The following PBX1 variants were observed in gnomAD, a reference collection of about 807,000 sequenced individuals.
The protein encoded by PBX1 is PBX homeobox 1, also known as pre-B-cell leukemia transcription factor 1.
PBX1 carries 6 observed loss-of-function variants against 53.4 expected under a neutral mutation model. The observed-to-expected ratio is 0.11, with a 90% CI of 0.06 to 0.22. The LOEUF (loss-of-function observed/expected upper bound fraction) is 0.22. Ranked by LOEUF, PBX1 falls within the 10% of genes least tolerant of loss-of-function variation. The pLI, the probability that PBX1 is intolerant of heterozygous loss-of-function variation, is 1.00. For synonymous variants in PBX1, 204 were observed against 212.3 expected, an observed-to-expected ratio of 0.96 and a Z score of 0.34; for missense variants, 251 against 551.4, an observed-to-expected ratio of 0.46 and a Z score of 5.46.
intron 2 of PBX1, among the ~76,000 whole-genome samples, chr1:164,573,949 T>C (rs1298958904): frequency 1.3e-5 from 2 of 152,206 alleles, no homozygotes; most frequent in African/African-American, 4.8e-5. Context: ...GGAAGATACA[T>C]GGTTGTTCCC....
intron 2 of PBX1, among the ~76,000 whole-genome samples, chr1:164,747,906 C>G (rs1665980600): frequency 6.6e-6 from 1 of 151,996 alleles, no homozygotes; most frequent in African/African-American, 2.4e-5. Context: ...CAAATTAGAA[C>G]AGCAACATTT....
chr1:164,642,059 A>T (rs1659176561), intron 2 of PBX1: 1 of 152,134 alleles, frequency 6.6e-6, no homozygotes, highest in Admixed American at 6.5e-5. Flanking sequence ...GTTAAAATGA[A>T]TTATGTGAAT....
At chr1:164,619,557 T>G (rs1248263141) in intron 2 of PBX1, among the ~76,000 whole-genome samples, 1 of 152,156 alleles carries the variant, frequency 6.6e-6, no homozygotes, top group East Asian at 1.9e-4. Context: ...TACACCATCT[T>G]AGTCCTTGGT....
intron 2 of PBX1, among the ~76,000 whole-genome samples, chr1:164,637,577 G>A (rs1245835019): frequency 3.3e-5 from 5 of 152,122 alleles, no homozygotes; most frequent in Non-Finnish European, 2.9e-5. Flanking sequence ...TATTTGATTT[G>A]CTCAATAAGT....
intron 2 of PBX1, among the ~76,000 whole-genome samples, chr1:164,626,482 C>T (rs977793345): frequency 1.3e-5 from 2 of 152,138 alleles, no homozygotes; most frequent in Admixed American, 6.5e-5. Context: ...TCAAGACAGA[C>T]ACATACTTAT....
At chr1:164,622,163 T>A (rs866290263) in intron 2 of PBX1, among the ~76,000 whole-genome samples, 3 of 152,184 alleles carry the variant, frequency 2.0e-5, no homozygotes, top group Non-Finnish European at 4.4e-5. Flanking sequence ...CTGGAAGTGA[T>A]CACTAGGTAG....
chr1:164,884,724 T>G (rs371277328), intron 2 of PBX1, among the ~76,000 whole-genome samples: 41 of 152,300 alleles, frequency 2.7e-4, no homozygotes, highest in African/African-American at 9.6e-4. Context: ...AAAACTCTGG[T>G]GAGCAGTGAG....
At chr1:164,688,714 C>T (rs1157824672) in intron 2 of PBX1, among the ~76,000 whole-genome samples, 1 of 152,176 alleles carries the variant, frequency 6.6e-6, no homozygotes, top group Non-Finnish European at 1.5e-5. Flanking sequence ...CATTCTTCCC[C>T]CAATATCTCC....
In PBX1 at chr1:164,760,637, G is replaced by GT. The variant is rs78219030; in HGVS notation, c.266-31852dup. Among the ~76,000 whole-genome samples the GT allele has an allele frequency of 4.8e-3, 725 of 152,246 alleles. 11 individuals carry two copies. The highest frequency in any genetic ancestry group is 0.041 in the South Asian group (196 of 4,810). On this transcript the variant is annotated intron_variant, in intron 2 of 8. Transcript: ENST00000420696. ...TTCTCTCGTCTGTGGTTGCAAGTCA[G>GT]TTTTTGTAGCCCTGTCATTATGTGA...
intron 1 of PBX1, among the ~76,000 whole-genome samples, chr1:164,561,815 T>A (rs937298451): frequency 2.6e-5 from 4 of 152,186 alleles, no homozygotes; most frequent in African/African-American, 7.2e-5. Context: ...ATTTGTGTGC[T>A]GTGGAAATAC....
At chr1:164,607,425 T>C (rs942097980) in intron 2 of PBX1, among the ~76,000 whole-genome samples, 2 of 152,116 alleles carry the variant, frequency 1.3e-5, no homozygotes, top group African/African-American at 4.8e-5. Flanking sequence ...AGGTTTCTAG[T>C]TTGTAAGTGA....
At chr1:164,608,580 A>G (rs915619227) in intron 2 of PBX1, among the ~76,000 whole-genome samples, 10 of 152,230 alleles carry the variant, frequency 6.6e-5, no homozygotes, top group African/African-American at 2.4e-4. Context: ...TGTCATCTCT[A>G]TTAGACAGAT....
chr1:164,733,393 A>G (rs750754710), intron 2 of PBX1, among the ~76,000 whole-genome samples: 2 of 152,148 alleles, frequency 1.3e-5, no homozygotes, highest in African/African-American at 4.8e-5. Flanking sequence ...TCTGTGAACC[A>G]CCAAGGGTAC....
At chr1:164,807,419 A>G in intron 4 of PBX1, 123 bp from the exon 5 acceptor site, 2 of 1,248,218 alleles carry the variant, frequency 1.6e-6, no homozygotes, top group South Asian at 3.2e-5. Flanking sequence ...CTTTTGGTAA[A>G]TCTGCTCCAA....
At chr1:164,838,075 T>G (rs1301510457) in intron 8 of PBX1, among the ~76,000 whole-genome samples, 1 of 152,194 alleles carries the variant, frequency 6.6e-6, no homozygotes, top group Non-Finnish European at 1.5e-5. Flanking sequence ...CATTAGGATG[T>G]TGGCAGGAGG....
intron 2 of PBX1, among the ~76,000 whole-genome samples, chr1:164,872,285 C>T (rs1318814803): frequency 6.6e-6 from 1 of 152,202 alleles, no homozygotes; most frequent in Non-Finnish European, 1.5e-5. Flanking sequence ...GGACAGCATT[C>T]ATGGTTAGAG....
chr1:164,683,965 C>A (rs978580051), intron 2 of PBX1: 2 of 152,038 alleles, frequency 1.3e-5, no homozygotes, highest in Non-Finnish European at 2.9e-5. Context: ...GCCAACACAC[C>A]AGGCTAATTT....
At chr1:164,659,474 C>T (rs1237523807) in intron 2 of PBX1, among the ~76,000 whole-genome samples, 1 of 152,180 alleles carries the variant, frequency 6.6e-6, no homozygotes. Context: ...TACATAGCAC[C>T]AAACATGTGC....
At chr1:164,876,523 G>A (rs1401398219) in intron 2 of PBX1, among the ~76,000 whole-genome samples, 1 of 151,858 alleles carries the variant, frequency 6.6e-6, no homozygotes, top group African/African-American at 2.4e-5. Context: ...GAGAACTCAG[G>A]GCTAATCTAT....
Sources: allele counts gnomAD v4.1 joint callset (sites outside exome capture counted in the v4.1 genomes callset), GRCh38; gene constraint gnomAD v4.1.1; transcripts MANE v1.5; gene names NCBI Gene and HGNC (gene_info 2026-07-23, HGNC 2026-07-21).